The following SERPINI1 variants were observed in gnomAD, a reference collection of about 807,000 sequenced individuals.
The protein encoded by SERPINI1 is serpin family I member 1, also known as neuroserpin.
SERPINI1 carries 19 observed loss-of-function variants against 41.1 expected under a neutral mutation model. The ratio of observed to expected loss-of-function variants is 0.46; its 90% CI spans 0.32 to 0.68. The LOEUF is 0.68. Ranked by LOEUF, SERPINI1 falls within the 30% of genes least tolerant of loss-of-function variation. SERPINI1 has a pLI of 0.03. For missense variants in SERPINI1, 460 were observed against 479.2 expected (o/e 0.96, Z 0.37); for synonymous variants, 138 against 156.6 (o/e 0.88, Z 0.89).
chr3:167,766,153 G>A (rs1187493572), intron 1 of SERPINI1, among the ~76,000 whole-genome samples: 1 of 150,730 alleles, frequency 6.6e-6, no homozygotes, highest in Non-Finnish European at 1.5e-5. Context: ...CCACCCTACT[G>A]GTACCAATTT....
intron 5 of SERPINI1, 123 bp from the exon 6 acceptor site, chr3:167,807,121 C>T: frequency 3.1e-5 from 22 of 708,190 alleles, no homozygotes; most frequent in South Asian, 3.0e-4. Flanking sequence ...AGTCAAAAGC[C>T]AGTTTTAGCA....
chr3:167,771,180 C>T (rs958534891), intron 1 of SERPINI1, among the ~76,000 whole-genome samples: 3 of 152,052 alleles, frequency 2.0e-5, no homozygotes, highest in Non-Finnish European at 4.4e-5. Context: ...AGAATTTATC[C>T]TGTGGAGATA....
At chr3:167,787,436 C>G (rs540500084) in intron 1 of SERPINI1, among the ~76,000 whole-genome samples, 37 of 152,306 alleles carry the variant, frequency 2.4e-4, no homozygotes, top group Non-Finnish European at 4.3e-4. Flanking sequence ...ACATGCGTCA[C>G]CACGAGTAAA....
chr3:167,786,877 C>T, intron 1 of SERPINI1, among the ~76,000 whole-genome samples: 1 of 152,160 alleles, frequency 6.6e-6, no homozygotes, highest in East Asian at 1.9e-4. Context: ...TTACCTCTTA[C>T]TCACTCACTT....
At chr3:167,783,279 A>T (rs1023640384) in intron 1 of SERPINI1, among the ~76,000 whole-genome samples, 2 of 152,142 alleles carry the variant, frequency 1.3e-5, no homozygotes, top group African/African-American at 2.4e-5. Context: ...TGAGTGTTTG[A>T]CAATGAATTG....
At chr3:167,821,998 C>T (rs1712350645) in intron 6 of SERPINI1, among the ~76,000 whole-genome samples, 1 of 152,148 alleles carries the variant, frequency 6.6e-6, no homozygotes, top group African/African-American at 2.4e-5. Context: ...GAGGCCTACC[C>T]ACATTGTGAA....
At chr3:167,811,511 T>C (rs1194143742) in intron 6 of SERPINI1, among the ~76,000 whole-genome samples, 1 of 151,260 alleles carries the variant, frequency 6.6e-6, no homozygotes, top group Non-Finnish European at 1.5e-5. Context: ...AATATATGTA[T>C]GTATATAGGC....
intron 1 of SERPINI1, among the ~76,000 whole-genome samples, chr3:167,771,333 A>T (rs1046842348): frequency 2.6e-5 from 4 of 152,180 alleles, no homozygotes; most frequent in Non-Finnish European, 5.9e-5. Flanking sequence ...GATTTTTTTT[A>T]AATGAGAAGA....
chr3:167,811,662 G>A (rs886433406), intron 6 of SERPINI1, among the ~76,000 whole-genome samples: 1 of 149,840 alleles, frequency 6.7e-6, no homozygotes, highest in Non-Finnish European at 1.5e-5. Flanking sequence ...ATTTTACCTT[G>A]TATATGTATT....
At chr3:167,778,529 G>A (rs1051702365) in intron 1 of SERPINI1, among the ~76,000 whole-genome samples, 2 of 152,196 alleles carry the variant, frequency 1.3e-5, no homozygotes, top group Non-Finnish European at 2.9e-5. Flanking sequence ...GACCAGTTGG[G>A]TCCGTTCGTT....
chr3:167,750,999 CTT>C (rs571073313), intron 1 of SERPINI1, among the ~76,000 whole-genome samples: 26 of 152,040 alleles, frequency 1.7e-4, no homozygotes, highest in Admixed American at 1.6e-3. Flanking sequence ...AAAACTCTAA[CTT>C]CAGACAAAAA....
chr3:167,775,621 A>G (rs116137807), intron 1 of SERPINI1, among the ~76,000 whole-genome samples: 1 of 152,194 alleles, frequency 6.6e-6, no homozygotes, highest in Non-Finnish European at 1.5e-5. Flanking sequence ...TTTAATAATA[A>G]AAAATTAGAA....
chr3:167,737,966 A>G (rs908451410), intron 1 of SERPINI1, among the ~76,000 whole-genome samples: 1 of 152,096 alleles, frequency 6.6e-6, no homozygotes, highest in Non-Finnish European at 1.5e-5. Context: ...ATTTGAAAAA[A>G]GACCATGTTT....
At chr3:167,777,446 A>C (rs1726997281) in intron 1 of SERPINI1, among the ~76,000 whole-genome samples, 1 of 152,222 alleles carries the variant, frequency 6.6e-6, no homozygotes, top group Non-Finnish European at 1.5e-5. Context: ...TTATTGAGTC[A>C]ATACAGTTTC....
chr3:167,799,290 G>C (rs1013527053), intron 5 of SERPINI1, among the ~76,000 whole-genome samples: 1 of 152,174 alleles, frequency 6.6e-6, no homozygotes, highest in East Asian at 1.9e-4. Flanking sequence ...ACAACATGCG[G>C]TGTTTGGTTT....
At position 167,772,862 on chromosome 3, in the gene SERPINI1, C is replaced by CTCTCTCTCTCTCTCTT. The variant is rs1553772911; in HGVS notation, c.-18-16246_-18-16245insCTCTCTCTCTCTTTCT. On this transcript the variant is annotated intron_variant, in intron 1 of 8. Transcript: ENST00000446050. ...TCTCTCTCTCTCTCTCTCTCTCTCTCTCTATATATATATATATATATATAT... is the reference window on the plus strand; with the variant it reads ...TCTCTCTCTCTCTCTCTCTCTCTCTCTCTCTCTCTCTCTCTTTCTATATATATATATATATATATAT... Among the ~76,000 whole-genome samples the CTCTCTCTCTCTCTCTT allele has an allele frequency of 2.4e-3, 57 of 23,656 alleles. 4 individuals are homozygous for CTCTCTCTCTCTCTCTT. The highest frequency in any genetic ancestry group is 9.1e-3 in the African/African-American group (56 of 6,172). 15.5% of individuals were successfully genotyped at this position (23,656 alleles called of 152,430 possible). A position where few individuals can be genotyped will look rare whatever the true frequency, so the allele number is the denominator to read the frequency against.
intron 1 of SERPINI1, among the ~76,000 whole-genome samples, chr3:167,782,774 C>T (rs571971282): frequency 6.6e-5 from 10 of 152,072 alleles, no homozygotes; most frequent in Non-Finnish European, 1.2e-4. Flanking sequence ...ATGAAGGAGA[C>T]GAAAATAGAA....
At chr3:167,807,019 A>G (rs1025629226) in intron 5 of SERPINI1, among the ~76,000 whole-genome samples, 1 of 152,184 alleles carries the variant, frequency 6.6e-6, no homozygotes. Context: ...TCTATATCAT[A>G]TATTTTCCTA....
intron 5 of SERPINI1, among the ~76,000 whole-genome samples, chr3:167,800,734 G>A (rs1448006324): frequency 6.6e-6 from 1 of 152,112 alleles, no homozygotes; most frequent in Non-Finnish European, 1.5e-5. Flanking sequence ...TATTAATAAA[G>A]CATTTTAGTT....
Sources: allele counts gnomAD v4.1 joint callset (sites outside exome capture counted in the v4.1 genomes callset), GRCh38; gene constraint gnomAD v4.1.1; transcripts MANE v1.5; gene names NCBI Gene and HGNC (gene_info 2026-07-23, HGNC 2026-07-21).